The following RPL27 variants were observed in gnomAD, a reference collection of about 807,000 sequenced individuals.
RPL27 encodes the protein large ribosomal subunit protein eL27.
For synonymous variants in RPL27, 77 were observed against 61.0 expected (o/e 1.26, Z -1.22); for missense variants, 131 against 174.3 (o/e 0.75, Z 1.40).
chr17:42,998,847 G>T lies in RPL27; in HGVS notation c.81+16G>T, dbSNP rs917482902. On this transcript the variant is annotated intron_variant, in intron 2 of 4. Coordinates refer to ENST00000253788, the MANE Select transcript of RPL27 (RefSeq NM_000988.5). ...CATCGTGAAGGTATCAGCCTCGCGG[G>T]ACTCTGCGTCCTTGCATGCCGGGAC... 5.6e-6 allele frequency: 9 copies of T among 1,610,082 alleles called. No homozygotes were observed. Among genetic ancestry groups the T allele is most frequent in the Admixed American group, 1.7e-5 (1 of 59,916 alleles).
chr17:42,998,863 A>G (rs1428533777), intron 2 of RPL27, 32 bp downstream of exon 2: 8 of 1,586,046 alleles, frequency 5.0e-6, no homozygotes, highest in Admixed American at 1.7e-5. Flanking sequence ...GCGTCCTTGC[A>G]TGCCGGGACC....
Position 43,002,791 on chromosome 17 carries a change from G to A in RPL27, c.362+8G>A. 1 of 1,609,030 alleles carries A rather than the reference G, an allele frequency of 6.2e-7. No homozygotes were observed. Among genetic ancestry groups the A allele is most frequent in the Non-Finnish European group, 8.5e-7 (1 of 1,175,408 alleles). Reference sequence around the variant, plus strand: ...GGTCAAGTTTGAAGAGAGGTAAGTAGGCTTTGGTAGTGAATGGTGGAGTAT... The same window carrying A: ...GGTCAAGTTTGAAGAGAGGTAAGTAAGCTTTGGTAGTGAATGGTGGAGTAT... On this transcript the variant is annotated splice_region_variant and intron_variant, in intron 4 of 4. Coordinates refer to ENST00000253788, the MANE Select transcript of RPL27 (RefSeq NM_000988.5).
At chr17:42,999,791 A>C (rs1390362361) in intron 2 of RPL27, 142 bp from the exon 3 acceptor site, 6 of 636,246 alleles carry the variant, frequency 9.4e-6, no homozygotes, top group Non-Finnish European at 8.3e-6. Context: ...GTCATTTCTC[A>C]TAGCTTTCTG....
At chr17:43,002,280 C>A (rs1005224257) in intron 3 of RPL27, among the ~76,000 whole-genome samples, 1 of 151,674 alleles carries the variant, frequency 6.6e-6, no homozygotes, top group African/African-American at 2.4e-5. Context: ...CCAAGGCGGG[C>A]GGATCACGAG....
rs2050381293 is a variant in RPL27, at chr17:43,002,889, A to G, written c.380A>G (p.Asn127Ser). Residue 127 changes from asparagine (N) to serine (S), a missense_variant, in exon 5 of 5, where the codon AAC (asparagine) becomes AGC (serine). Transcript: ENST00000253788. Reference protein sequence around the residue: ...KFEERYKTGKNKWFFQKLRF With the variant: ...KFEERYKTGKSKWFFQKLRF ...CCTTCTAGATACAAGACAGGCAAGA[A>G]CAAGTGGTTCTTCCAGAAACTGCGG... The G allele has an allele frequency of 6.2e-7, 1 of 1,613,876 alleles. No homozygotes were observed. The highest frequency in any genetic ancestry group is 1.7e-5 in the Admixed American group (1 of 60,006).
rs754021880 is a variant in RPL27, at chr17:42,999,994, G to A, written c.143G>A (p.Arg48His). Residue 48 changes from arginine to histidine, a missense_variant, in exon 3 of 5, where the codon CGC becomes CAC. Arg to His is a conservative substitution (Grantham distance 29). Coordinates refer to ENST00000253788, the MANE Select transcript of RPL27 (RefSeq NM_000988.5). ...YSHALVAGID[R>H]YPRKVTAAMG... ...CATGCTCTGGTGGCTGGAATTGACCGCTACCCCCGCAAAGTGACAGCTGCC... is the reference window on the plus strand; with the variant it reads ...CATGCTCTGGTGGCTGGAATTGACCACTACCCCCGCAAAGTGACAGCTGCC... 48 of 1,612,100 alleles carry A rather than the reference G, an allele frequency of 3.0e-5. No homozygotes were observed. Among genetic ancestry groups the A allele is most frequent in the Non-Finnish European group, 3.8e-5 (45 of 1,179,834 alleles).
intron 3 of RPL27, among the ~76,000 whole-genome samples, chr17:43,001,159 C>T (rs1022426044): frequency 2.6e-5 from 4 of 151,576 alleles, no homozygotes; most frequent in African/African-American, 4.9e-5. Context: ...CTGGCTAACA[C>T]GGTGAACCTG....
At chr17:43,000,866 C>T (rs867999923) in intron 3 of RPL27, among the ~76,000 whole-genome samples, 2 of 147,628 alleles carry the variant, frequency 1.4e-5, no homozygotes, top group African/African-American at 2.5e-5. Flanking sequence ...ACTAGCCTGA[C>T]CAACATGGTG....
Position 42,998,639 on chromosome 17 carries a change from AAC to A in RPL27, c.-2-106_-2-105del, listed in dbSNP as rs2050325385. 16 of 824,258 alleles carry A rather than the reference AAC, an allele frequency of 1.9e-5. No individual in the cohort carries two copies. In the South Asian group the frequency reaches 2.1e-4, roughly 11 times the overall value. The allele number at this position is 824,258 out of a possible 1,614,324, so 51.1% of individuals were successfully genotyped here. On this transcript the variant is annotated intron_variant, in intron 1 of 4. Transcript: ENST00000253788. ...GGCGGCCTTGACCAAGGCGACAGTG[AAC>A]ACAGTCTGAAGTTCCGGCCCAAGAC...
intron 2 of RPL27, chr17:42,999,638 TAGATACCA>T: frequency 3.2e-6 from 1 of 308,626 alleles, no homozygotes; most frequent in Non-Finnish European, 6.1e-6. Context: ...AGCAAGTGAA[TAGATACCA>T]AGTCCTGTGA....
Position 42,998,489 on chromosome 17 carries a change from T to G in RPL27, c.-3+18T>G. On this transcript the variant is annotated intron_variant, in intron 1 of 4. Coordinates refer to ENST00000253788, the MANE Select transcript of RPL27 (RefSeq NM_000988.5). ...TGCTGCCGGTAAGTAGAAGCTTGGG[T>G]TGAATCTTTCAATCCGCTGCCATCC... The G allele has an allele frequency of 2.7e-6, 1 of 366,396 alleles. No homozygotes were observed. The highest frequency in any genetic ancestry group is 3.0e-5 in the South Asian group (1 of 33,610). The allele number at this position is 366,396 out of a possible 1,614,324, so 22.7% of individuals were successfully genotyped here.
intron 1 of RPL27, 53 bp from the exon 2 acceptor site, chr17:42,998,696 G>A (rs2050325951): frequency 7.3e-7 from 1 of 1,372,374 alleles, no homozygotes; most frequent in Non-Finnish European, 1.0e-6. Flanking sequence ...TCAGCTCTGG[G>A]CATCTTTGGC....
At chr17:43,001,918 C>T (rs1233473548) in intron 3 of RPL27, among the ~76,000 whole-genome samples, 2 of 150,948 alleles carry the variant, frequency 1.3e-5, no homozygotes, top group East Asian at 2.0e-4. Flanking sequence ...AGTGAAACCC[C>T]GTCTCTACTG....
intron 3 of RPL27, among the ~76,000 whole-genome samples, chr17:43,000,483 T>TG (rs1555570152): frequency 3.0e-5 from 4 of 133,036 alleles, no homozygotes; most frequent in African/African-American, 8.8e-5. Flanking sequence ...TTTGTTTTGT[T>TG]TTGTTTTTTT....
chr17:43,002,658 C>T lies in RPL27; in HGVS notation c.252-15C>T, dbSNP rs1461666307. On this transcript the variant is annotated splice_polypyrimidine_tract_variant and intron_variant, in intron 3 of 4. Transcript: ENST00000253788. ...AGTATGTGGGCTAATCCTGCCTCTC[C>T]ACCTTTGTCCCCAGGTACTCTGTGG... 2.6e-5 allele frequency: 40 copies of T among 1,538,252 alleles called. No individual in the cohort carries two copies. The highest frequency in any genetic ancestry group is 3.7e-4 in the Middle Eastern group (2 of 5,408).
chr17:43,001,310 A>C (rs1004354632), intron 3 of RPL27, among the ~76,000 whole-genome samples: 3 of 151,194 alleles, frequency 2.0e-5, no homozygotes, highest in Admixed American at 1.3e-4. Context: ...TTGCACATTT[A>C]CTCTGGGTTG....
intron 2 of RPL27, chr17:42,999,176 T>C (rs1169326069): frequency 9.7e-6 from 2 of 205,874 alleles, no homozygotes; most frequent in Non-Finnish European, 2.0e-5. Flanking sequence ...TTCTTTTTTT[T>C]TTTTTTGAGA....
chr17:42,999,851 A>G (rs2050340262), intron 2 of RPL27, 82 bp from the exon 3 acceptor site: 2 of 1,136,408 alleles, frequency 1.8e-6, no homozygotes, highest in Middle Eastern at 3.0e-4. Context: ...GGGTGGAAAT[A>G]TTTTTTGGAC....
upstream of RPL27, chr17:42,998,355 C>T (rs983592614): frequency 5.8e-6 from 1 of 173,102 alleles, no homozygotes; most frequent in Admixed American, 6.3e-5. Flanking sequence ...ACCACACAAT[C>T]AGCGTGGCAA....
Sources: allele counts gnomAD v4.1 joint callset (sites outside exome capture counted in the v4.1 genomes callset), GRCh38; gene constraint gnomAD v4.1.1; transcripts MANE v1.5; gene names NCBI Gene and HGNC (gene_info 2026-07-23, HGNC 2026-07-21).